The following FMN1 variants were observed in gnomAD, a reference collection of about 807,000 sequenced individuals.
FMN1 encodes formin 1, also known as formin-1.
In FMN1, 110 loss-of-function variants were observed where a neutral mutation model predicts 132.4. That is an observed-to-expected ratio of 0.83 (90% CI 0.71 to 0.97). The LOEUF is 0.97. Among genes scored for constraint, FMN1 ranks in the 50% least tolerant of loss-of-function variants. The pLI is 0.00. For synonymous variants in FMN1, 722 were observed against 651.7 expected (o/e 1.11, Z -1.64); for missense variants, 1,792 against 1,705.3 (o/e 1.05, Z -0.90).
At position 33,067,910 on chromosome 15, in the gene FMN1, T is replaced by C. The variant is rs560460583; in HGVS notation, c.2044-2836A>G. ...GTCTCAGTAATGCCCTTGGTGGAAG[T>C]TCTGACTTGTGTTACCTTCTCCTGC... On this transcript the variant is annotated intron_variant, in intron 5 of 20. Transcript: ENST00000616417. 124 of 1,581,382 alleles carry C rather than the reference T, an allele frequency of 7.8e-5. 1 individual carries two copies. In the South Asian group the frequency reaches 1.4e-3, roughly 18 times the overall value.
intron 6 of FMN1, among the ~76,000 whole-genome samples, chr15:33,039,795 T>C: frequency 6.6e-6 from 1 of 152,206 alleles, no homozygotes; most frequent in East Asian, 1.9e-4. Flanking sequence ...TAATAAAGAT[T>C]TTGAATGTAT....
intron 2 of FMN1, among the ~76,000 whole-genome samples, chr15:33,184,340 A>G (rs1965804584): frequency 6.6e-6 from 1 of 152,204 alleles, no homozygotes; most frequent in African/African-American, 2.4e-5. Flanking sequence ...TACTCTTTCT[A>G]AAGAAAAAAT....
chr15:33,023,698 A>G (rs1005416192), intron 6 of FMN1, among the ~76,000 whole-genome samples: 4 of 152,178 alleles, frequency 2.6e-5, no homozygotes, highest in African/African-American at 9.7e-5. Flanking sequence ...CAAATACTGA[A>G]GAGACCCTGG....
intron 6 of FMN1, among the ~76,000 whole-genome samples, chr15:33,018,521 G>A (rs1401793518): frequency 6.6e-6 from 1 of 152,106 alleles, no homozygotes; most frequent in East Asian, 1.9e-4. Context: ...GAAACCTTCT[G>A]GACAGCTGAA....
intron 6 of FMN1, chr15:33,012,954 C>A: frequency 2.1e-6 from 1 of 476,264 alleles, no homozygotes; most frequent in Non-Finnish European, 4.1e-6. Context: ...AGGGAAAAAA[C>A]TTTGGAGGCA....
intron 17 of FMN1, among the ~76,000 whole-genome samples, chr15:32,805,269 CATTTTTT>C (rs2057637659): frequency 6.6e-6 from 1 of 152,196 alleles, no homozygotes; most frequent in South Asian, 2.1e-4. Flanking sequence ...TGATGATGAG[CATTTTTT>C]CATGTGTCTA....
intron 9 of FMN1, among the ~76,000 whole-genome samples, chr15:32,931,848 T>C (rs1235878330): frequency 6.6e-6 from 1 of 152,258 alleles, no homozygotes; most frequent in East Asian, 1.9e-4. Context: ...ATATGGTCTT[T>C]ATTTCTTTCT....
At chr15:32,898,979 A>G in intron 14 of FMN1, 86 bp from the exon 15 acceptor site, 1 of 923,466 alleles carries the variant, frequency 1.1e-6, no homozygotes, top group East Asian at 2.5e-5. Flanking sequence ...TCAGTTGAGA[A>G]ATTTCTAATT....
At chr15:33,070,463 T>C (rs917439926) in intron 5 of FMN1, among the ~76,000 whole-genome samples, 51 of 151,474 alleles carry the variant, frequency 3.4e-4, no homozygotes, top group African/African-American at 1.2e-3. Flanking sequence ...TGGAATAAGC[T>C]TCCAGGCCCC....
At chr15:32,930,725 G>T (rs1204012629) in intron 9 of FMN1, among the ~76,000 whole-genome samples, 1 of 151,658 alleles carries the variant, frequency 6.6e-6, no homozygotes, top group Non-Finnish European at 1.5e-5. Flanking sequence ...TTTTTTGGGG[G>T]GGGGCGGTCT....
intron 5 of FMN1, chr15:33,066,473 A>AT (rs1346791192): frequency 1.4e-6 from 2 of 1,428,200 alleles, no homozygotes; most frequent in Non-Finnish European, 1.9e-6. Context: ...CAGCAGCACC[A>AT]TATTTTATGT....
At chr15:32,823,433 G>A (rs1459322769) in intron 17 of FMN1, among the ~76,000 whole-genome samples, 2 of 152,140 alleles carry the variant, frequency 1.3e-5, no homozygotes, top group East Asian at 1.9e-4. Flanking sequence ...CAAAGTGCTG[G>A]GATTACAGGT....
In FMN1 at chr15:32,967,006, C is replaced by A. The variant is rs138695610; in HGVS notation, c.2987+1708G>T. ...TGCCCGTGTTGCAGTCTTAACACAT[C>A]ATAGAGGGGCAGCCCCCCGTGTTAT... On this transcript the variant is annotated intron_variant, in intron 8 of 20. Transcript: ENST00000616417. 2.0e-5 allele frequency among the ~76,000 whole-genome samples: 3 copies of A among 152,320 alleles called. No homozygotes were observed. The East Asian group carries it at 5.8e-4, about 29-fold the overall frequency.
intron 6 of FMN1, among the ~76,000 whole-genome samples, chr15:33,010,261 G>A (rs941736345): frequency 1.3e-5 from 2 of 152,120 alleles, no homozygotes; most frequent in Non-Finnish European, 2.9e-5. Flanking sequence ...AGACAATCTA[G>A]AGGGATGAAG....
chr15:33,066,864 G>A (rs760686983), intron 5 of FMN1: 5 of 1,613,996 alleles, frequency 3.1e-6, no homozygotes, highest in African/African-American at 1.3e-5. Context: ...TGCTCCAGGA[G>A]AGTGGGAGTG....
At chr15:33,065,465 A>G (rs2141248773) in intron 5 of FMN1, among the ~76,000 whole-genome samples, 1 of 152,352 alleles carries the variant, frequency 6.6e-6, no homozygotes, top group Admixed American at 6.5e-5. Flanking sequence ...ATTATTTAAC[A>G]CAAAGACTAA....
At chr15:32,992,752 T>C (rs1206885112) in intron 7 of FMN1, among the ~76,000 whole-genome samples, 1 of 152,140 alleles carries the variant, frequency 6.6e-6, no homozygotes, top group Non-Finnish European at 1.5e-5. Context: ...AAAGGGTCTA[T>C]GAGGGAATAA....
At chr15:33,099,491 T>C (rs1415727856) in intron 4 of FMN1, among the ~76,000 whole-genome samples, 1 of 151,862 alleles carries the variant, frequency 6.6e-6, no homozygotes, top group Non-Finnish European at 1.5e-5. Flanking sequence ...TGTGCCAGTA[T>C]AATCTTTTGA....
chr15:32,853,415 T>C (rs1400938240), intron 17 of FMN1, among the ~76,000 whole-genome samples: 4 of 152,338 alleles, frequency 2.6e-5, no homozygotes, highest in East Asian at 3.9e-4. Context: ...TTTTCTTTTT[T>C]TGTAGTACAT....
Sources: allele counts gnomAD v4.1 joint callset (sites outside exome capture counted in the v4.1 genomes callset), GRCh38; gene constraint gnomAD v4.1.1; transcripts MANE v1.5; gene names NCBI Gene and HGNC (gene_info 2026-07-23, HGNC 2026-07-21).